Variants in CPLX1 observed in about 807,000 individuals in gnomAD.
CPLX1 encodes the protein complexin-1.
CPLX1 carries 6 observed loss-of-function variants against 15.6 expected under a neutral mutation model. That is an observed-to-expected ratio of 0.39 (90% CI 0.21 to 0.76). The LOEUF (loss-of-function observed/expected upper bound fraction) is 0.76. Ranked by LOEUF, CPLX1 falls within the 30% of genes least tolerant of loss-of-function variation. The pLI is 0.43. For synonymous variants in CPLX1, 91 were observed against 75.2 expected, an observed-to-expected ratio of 1.21 and a Z score of -1.08; for missense variants, 242 against 188.6, an observed-to-expected ratio of 1.28 and a Z score of -1.66.
intron 2 of CPLX1, among the ~76,000 whole-genome samples, chr4:807,495 TG>T (rs1746578055): frequency 6.6e-6 from 1 of 151,890 alleles, no homozygotes. Context: ...TTTTTTGAGA[TG>T]GAGTTTCATT....
intron 2 of CPLX1, among the ~76,000 whole-genome samples, chr4:810,642 G>GT (rs1352136848): frequency 6.6e-6 from 1 of 151,350 alleles, no homozygotes; most frequent in Non-Finnish European, 1.5e-5. Flanking sequence ...TTTAATTCCC[G>GT]TATCTTCTTT....
At chr4:793,594 G>A (rs1160358156) in intron 2 of CPLX1, among the ~76,000 whole-genome samples, 1 of 152,214 alleles carries the variant, frequency 6.6e-6, no homozygotes, top group Non-Finnish European at 1.5e-5. Flanking sequence ...ACTGAGGGAG[G>A]TGACTTGGCA....
intron 2 of CPLX1, among the ~76,000 whole-genome samples, chr4:816,660 A>T (rs1267887508): frequency 6.9e-6 from 1 of 145,530 alleles, no homozygotes; most frequent in Admixed American, 6.9e-5. Context: ...ACCCTGTCTT[A>T]AAAAAAAAAA....
intron 3 of CPLX1, among the ~76,000 whole-genome samples, chr4:790,525 G>A (rs13136722): frequency 0.4 from 60,501 of 151,662 alleles, 12,982 homozygotes; most frequent in African/African-American, 0.56. Flanking sequence ...CGGGCCACTC[G>A]GTCCCTGACG....
At chr4:791,167 C>T (rs2152642668) in intron 3 of CPLX1, among the ~76,000 whole-genome samples, 1 of 132,530 alleles carries the variant, frequency 7.5e-6, no homozygotes, top group Admixed American at 6.9e-5. Flanking sequence ...AGCCCTGGGT[C>T]AGCTGCGGGG....
rs193299854 is a variant in CPLX1 at position 788,208 on chromosome 4, G to A, written c.208-1510C>T. 5.7e-3 allele frequency: 5,646 copies of A among 985,232 alleles called. 19 individuals are homozygous for A. The highest frequency in any genetic ancestry group is 6.4e-3 in the Non-Finnish European group (5,346 of 829,790). 61.0% of individuals were successfully genotyped at this position (985,232 alleles called of 1,614,324 possible). ...CAGTTGGTTCTGCTCCTGGTGCTGG[G>A]CACCCCCTGGATCTCCAAGGAGGCC... On this transcript the variant is annotated intron_variant, in intron 3 of 3. Coordinates refer to ENST00000304062, the MANE Select transcript of CPLX1 (RefSeq NM_006651.4).
At position 810,700 on chromosome 4, in the gene CPLX1, C is replaced by CT. The variant is rs535814622; in HGVS notation, c.31+13791dup. Among the ~76,000 whole-genome samples the CT allele has an allele frequency of 2.8e-3, 404 of 144,658 alleles. 8 individuals carry two copies. In the South Asian group the frequency reaches 0.062, roughly 22 times the overall value. The allele number at this position is 144,658 out of a possible 152,430, so 94.9% of individuals were successfully genotyped here. The stretch of plus-strand genomic sequence containing the variant: ...TTTGCACATTTTCTTTTTTCTTTTT[C>CT]TTTTTTTTTTTTCGAGATGGAATTT... On this transcript the variant is annotated intron_variant, in intron 2 of 3. Transcript: ENST00000304062.
At chr4:803,462 G>A (rs187225316) in intron 2 of CPLX1, among the ~76,000 whole-genome samples, 1 of 152,082 alleles carries the variant, frequency 6.6e-6, no homozygotes, top group Non-Finnish European at 1.5e-5. Flanking sequence ...GCCATCTCGG[G>A]TCACTGCAAG....
chr4:807,015 A>G (rs1746566388), intron 2 of CPLX1, among the ~76,000 whole-genome samples: 1 of 152,260 alleles, frequency 6.6e-6, no homozygotes, highest in South Asian at 2.1e-4. Context: ...ATTTTAAGAT[A>G]TATGTACGTG....
intron 2 of CPLX1, among the ~76,000 whole-genome samples, chr4:810,143 G>A (rs1419896021): frequency 6.7e-6 from 1 of 148,846 alleles, no homozygotes. Flanking sequence ...TCCGCCTCCT[G>A]GGCTCACACC....
At chr4:791,929 C>T (rs541799953) in intron 3 of CPLX1, among the ~76,000 whole-genome samples, 22 of 152,330 alleles carry the variant, frequency 1.4e-4, no homozygotes, top group Non-Finnish European at 2.6e-4. Flanking sequence ...ACCCAGGCTG[C>T]TCCCTGTGCC....
chr4:811,535 AC>A (rs1746665584), intron 2 of CPLX1, among the ~76,000 whole-genome samples: 2 of 152,140 alleles, frequency 1.3e-5, no homozygotes, highest in South Asian at 4.1e-4. Flanking sequence ...TTTTCTAGAT[AC>A]CTTTCTGTCT....
intron 2 of CPLX1, among the ~76,000 whole-genome samples, chr4:815,507 T>C (rs1314882074): frequency 6.6e-6 from 1 of 151,932 alleles, no homozygotes; most frequent in African/African-American, 2.4e-5. Context: ...AAGCAGTATT[T>C]ACATACAGCC....
At chr4:793,575 A>C (rs1746246806) in intron 2 of CPLX1, among the ~76,000 whole-genome samples, 1 of 152,210 alleles carries the variant, frequency 6.6e-6, no homozygotes, top group African/African-American at 2.4e-5. Flanking sequence ...GACCCAGCAC[A>C]CAGGTGTCAC....
chr4:802,124 T>C (rs1193428469), intron 2 of CPLX1, among the ~76,000 whole-genome samples: 1 of 152,196 alleles, frequency 6.6e-6, no homozygotes, highest in Non-Finnish European at 1.5e-5. Context: ...GTAGTTTCAT[T>C]TGTAACAGCC....
At chr4:794,429 AAG>A (rs1188986815) in intron 2 of CPLX1, among the ~76,000 whole-genome samples, 1 of 152,230 alleles carries the variant, frequency 6.6e-6, no homozygotes, top group African/African-American at 2.4e-5. Context: ...ACAGAAAGCT[AAG>A]AGGCTTGTGG....
intron 2 of CPLX1, among the ~76,000 whole-genome samples, chr4:817,599 A>T (rs2152648082): frequency 6.6e-6 from 1 of 152,236 alleles, no homozygotes; most frequent in Non-Finnish European, 1.5e-5. Context: ...CCTAGGCAAA[A>T]ATTAAAACAA....
intron 2 of CPLX1, among the ~76,000 whole-genome samples, chr4:794,172 G>A (rs1746266701): frequency 1.3e-5 from 2 of 152,266 alleles, no homozygotes; most frequent in African/African-American, 2.4e-5. Context: ...GCTGTTGGTG[G>A]GAGGAGAATA....
At chr4:822,732 G>T (rs921997977) in intron 2 of CPLX1, among the ~76,000 whole-genome samples, 3 of 152,106 alleles carry the variant, frequency 2.0e-5, no homozygotes, top group African/African-American at 7.2e-5. Flanking sequence ...TCTCTGTCTT[G>T]CTCTGTCTCA....
Sources: allele counts gnomAD v4.1 joint callset (sites outside exome capture counted in the v4.1 genomes callset), GRCh38; gene constraint gnomAD v4.1.1; transcripts MANE v1.5; gene names NCBI Gene and HGNC (gene_info 2026-07-23, HGNC 2026-07-21).